The following CACNA1B variants were observed in gnomAD, a reference collection of about 807,000 sequenced individuals.
The protein encoded by CACNA1B is calcium voltage-gated channel subunit alpha1 B.
Under a neutral mutation model 247.2 loss-of-function variants are expected in CACNA1B, and 70 were observed. The ratio of observed to expected loss-of-function variants is 0.28; its 90% confidence interval spans 0.23 to 0.35. The LOEUF is 0.35. CACNA1B is among the 10% of genes least tolerant of loss of function. The pLI is 1.00. For synonymous variants in CACNA1B, 1,231 were observed against 1,294.4 expected, an observed-to-expected ratio of 0.95 and a Z score of 1.05; for missense variants, 2,367 against 3,197.4, an observed-to-expected ratio of 0.74 and a Z score of 6.26.
rs747524124 is a variant in CACNA1B, at chr9:138,025,069, G to T, written c.3183G>T (p.Gln1061His). 6.2e-7 allele frequency: 1 copy of T among 1,612,828 alleles called. No individual in the cohort carries two copies. Among genetic ancestry groups the T allele is most frequent in the Admixed American group, 1.7e-5 (1 of 59,884 alleles). ...AACAGCCAGAGGATGCAGACAATCAGCGGAACGTCACTCGCATGGGCAGTC... is the reference window on the plus strand; with the variant it reads ...AACAGCCAGAGGATGCAGACAATCATCGGAACGTCACTCGCATGGGCAGTC... The part of the protein sequence containing the change: ...VEEQPEDADN[Q>H]RNVTRMGSQP... Residue 1061 changes from glutamine (Q) to histidine (H), a missense_variant, in exon 20 of 47, where the codon CAG becomes CAT. Around this residue, in one of 12 missense-constraint regions of CACNA1B, gnomAD observed 631 missense variants for 631.1 expected, o/e 1.00. Coordinates refer to ENST00000371372, the MANE Select transcript of CACNA1B (RefSeq NM_000718.4).
At position 137,899,610 on chromosome 9, in the gene CACNA1B, G is replaced by C. The variant is rs1010040583; in HGVS notation, c.531-13570G>C. 6.6e-6 allele frequency among the ~76,000 whole-genome samples: 1 copy of C among 152,196 alleles called. No homozygotes were observed. Among genetic ancestry groups the C allele is most frequent in the African/African-American group, 2.4e-5 (1 of 41,464 alleles). ...GAGCAGGGACTGGGGTGGGGAGGCCGAGGGGATGCTGTGGCGTCTTTGGCC... is the reference window on the plus strand; with the variant it reads ...GAGCAGGGACTGGGGTGGGGAGGCCCAGGGGATGCTGTGGCGTCTTTGGCC... On this transcript the variant is annotated intron_variant, in intron 3 of 46. Transcript: ENST00000371372. This position sits in a 1 kb window ranked among gnomAD's most constrained non-coding sequence, Gnocchi z 5.0.
intron 7 of CACNA1B, among the ~76,000 whole-genome samples, chr9:137,953,593 C>T (rs1186216416): frequency 6.6e-6 from 1 of 152,178 alleles, no homozygotes; most frequent in African/African-American, 2.4e-5. Context: ...GAACTCCTAG[C>T]CTGGCGGGGT....
intron 6 of CACNA1B, among the ~76,000 whole-genome samples, chr9:137,922,096 T>A (rs34333520): frequency 1.4e-5 from 2 of 140,918 alleles, no homozygotes; most frequent in Non-Finnish European, 3.1e-5. Context: ...TCGGAGAACA[T>A]GATCAGCACC....
chr9:138,036,289 G>A (rs1049904111), intron 20 of CACNA1B, among the ~76,000 whole-genome samples: 12 of 152,082 alleles, frequency 7.9e-5, no homozygotes, highest in South Asian at 2.1e-4. Flanking sequence ...ACAGGCGCCC[G>A]CCACCACGCC....
chr9:138,000,981 C>CT lies in CACNA1B; in HGVS notation c.1975-5781dup, dbSNP rs553582184. ...CTTCATGTGTCTCCTTAAAAATATG[C>CT]TTTTTACAGTCTTGTTATTTTGGTG... is the stretch of plus-strand genomic sequence containing the variant. On this transcript the variant is annotated intron_variant, in intron 15 of 46. Transcript: ENST00000371372. 3.2e-4 allele frequency among the ~76,000 whole-genome samples: 48 copies of CT among 152,138 alleles called. No individual in the cohort carries two copies. The East Asian group carries it at 9.1e-3, about 29-fold the overall frequency.
intron 6 of CACNA1B, among the ~76,000 whole-genome samples, chr9:137,948,891 GAT>G (rs1204896865): frequency 6.8e-6 from 1 of 145,988 alleles, no homozygotes; most frequent in East Asian, 2.1e-4. Context: ...GTGTGTGTCT[GAT>G]GTGTGTGGTG....
At chr9:137,946,611 A>T (rs768449214) in intron 6 of CACNA1B, among the ~76,000 whole-genome samples, 1 of 151,966 alleles carries the variant, frequency 6.6e-6, no homozygotes, top group Non-Finnish European at 1.5e-5. Context: ...AGAAAAAAAA[A>T]AAAAGGGAAA....
chr9:138,002,849 G>A (rs1186959991), intron 15 of CACNA1B, among the ~76,000 whole-genome samples: 1 of 151,630 alleles, frequency 6.6e-6, no homozygotes. Context: ...TGCCCAGGCT[G>A]GAGTGCAGTG....
At chr9:137,904,231 G>C (rs1263158012) in intron 3 of CACNA1B, among the ~76,000 whole-genome samples, 1 of 152,056 alleles carries the variant, frequency 6.6e-6, no homozygotes, top group Non-Finnish European at 1.5e-5. Context: ...ATCCTGTAAG[G>C]CATGTAAAAC....
chr9:138,003,249 A>G (rs1958603963), intron 15 of CACNA1B, among the ~76,000 whole-genome samples: 1 of 149,890 alleles, frequency 6.7e-6, no homozygotes, highest in South Asian at 2.1e-4. Context: ...CAGTGGCATG[A>G]TCATAGCTCA....
chr9:138,118,764 C>G lies in CACNA1B; in HGVS notation c.6026C>G (p.Thr2009Ser). The G allele has an allele frequency of 6.8e-7, 1 of 1,465,742 alleles. No individual in the cohort carries two copies. Among genetic ancestry groups the G allele is most frequent in the Non-Finnish European group, 9.3e-7 (1 of 1,078,356 alleles). The allele number at this position is 1,465,742 out of a possible 1,614,324, so 90.8% of individuals were successfully genotyped here. ...AASMPRLAAE[T>S]QPVTDASPMK... ...TCCATGCCCCGCCTTGCGGCCGAGA[C>G]TCAGGTAGGTGGTCTGGGAGGGTCC... The change falls in exon 44 of 47, where the codon ACT (threonine) becomes AGT (serine). Residue 2009 changes from threonine (T) to serine (S), a missense_variant. By Grantham distance (58) the Thr-to-Ser change is moderately conservative. Transcript: ENST00000371372.
chr9:137,915,323 C>T (rs901241417), intron 5 of CACNA1B, among the ~76,000 whole-genome samples: 1 of 152,196 alleles, frequency 6.6e-6, no homozygotes, highest in African/African-American at 2.4e-5. Flanking sequence ...ATTCGGGCTG[C>T]TCCTGGGAGT....
In CACNA1B at chr9:138,073,265, A is replaced by G. The variant is rs1230211499; in HGVS notation, c.4675-223A>G. 1.3e-5 allele frequency among the ~76,000 whole-genome samples: 2 copies of G among 152,126 alleles called. No individual in the cohort carries two copies. Among genetic ancestry groups the G allele is most frequent in the Non-Finnish European group, 2.9e-5 (2 of 68,008 alleles). ...CTTAGAGCCAAGGAGGTTTTCTCTG[A>G]TTTGCTGCATGAGAAGTGATTTGCA... On this transcript the variant is annotated intron_variant, in intron 32 of 46. Transcript: ENST00000371372. This position sits in a 1 kb window ranked among gnomAD's most constrained non-coding sequence, Gnocchi z 6.4.
intron 18 of CACNA1B, among the ~76,000 whole-genome samples, chr9:138,022,798 G>A (rs1459297996): frequency 3.4e-5 from 3 of 88,088 alleles, no homozygotes; most frequent in East Asian, 4.5e-4. Flanking sequence ...GGTCCTGTGG[G>A]ACACCGTGGG....
rs1226057823 is a variant in CACNA1B, at chr9:138,028,022, C to CT, written c.3286+2850_3286+2851insT. Among the ~76,000 whole-genome samples the CT allele has an allele frequency of 6.8e-4, 96 of 141,158 alleles. 1 individual carries two copies. Among genetic ancestry groups the CT allele is most frequent in the Non-Finnish European group, 1.3e-3 (83 of 65,942 alleles). The allele number at this position is 141,158 out of a possible 152,430, so 92.6% of individuals were successfully genotyped here. A position where few individuals can be genotyped will look rare whatever the true frequency, so the allele number is the denominator to read the frequency against. On this transcript the variant is annotated intron_variant, in intron 20 of 46. Transcript: ENST00000371372. Reference sequence around the variant, plus strand: ...GGGTCTCATTTCCACTCCCCCCCAACCTTTTTTTTTTTTTTTTTTTTTTTT... The same window carrying CT: ...GGGTCTCATTTCCACTCCCCCCCAACTCTTTTTTTTTTTTTTTTTTTTTTTT...
At chr9:137,968,678 G>A (rs1409288932) in intron 10 of CACNA1B, among the ~76,000 whole-genome samples, 1 of 152,212 alleles carries the variant, frequency 6.6e-6, no homozygotes, top group Non-Finnish European at 1.5e-5. Flanking sequence ...TGTTTTCTGG[G>A]CTTTGGTCAG....
intron 18 of CACNA1B, among the ~76,000 whole-genome samples, chr9:138,016,911 C>T (rs1234725048): frequency 6.6e-6 from 1 of 152,222 alleles, no homozygotes. Context: ...ACAGGGTTTG[C>T]TGTCTCACTT....
rs1958662324 is a variant in CACNA1B at position 138,007,108 on chromosome 9, A to G, written c.2092+224A>G. 6.6e-6 allele frequency among the ~76,000 whole-genome samples: 1 copy of G among 151,146 alleles called. No individual in the cohort carries two copies. The highest frequency in any genetic ancestry group is 2.4e-5 in the African/African-American group (1 of 41,064). ...AGCATGAGCTGCTGCGTGTGGGGGT[A>G]TCCAGAGGTGGGGGTGGGTGCGGCC... On this transcript the variant is annotated intron_variant, in intron 16 of 46. Transcript: ENST00000371372. The surrounding 1 kb of genome is among the most constrained non-coding windows in gnomAD (Gnocchi z 4.1).
At position 138,012,220 on chromosome 9, in the gene CACNA1B, T is replaced by A. The variant is rs1405928329; in HGVS notation, c.2161-909T>A. Reference sequence around the variant, plus strand: ...GCTGGGGAAATGGGGACAGACATGGTCTGCTGGCTCCAGGCAGAAAAGCTC... The same window carrying A: ...GCTGGGGAAATGGGGACAGACATGGACTGCTGGCTCCAGGCAGAAAAGCTC... On this transcript the variant is annotated intron_variant, in intron 17 of 46. Transcript: ENST00000371372. The surrounding 1 kb of genome is among the most constrained non-coding windows in gnomAD (Gnocchi z 4.2). Among the ~76,000 whole-genome samples, 1 of 152,122 alleles carries A rather than the reference T, an allele frequency of 6.6e-6. No individual in the cohort carries two copies. The highest frequency in any genetic ancestry group is 2.4e-5 in the African/African-American group (1 of 41,428).
Sources: gnomAD v4.1 joint callset for allele counts (sites outside exome capture counted in the v4.1 genomes callset) on GRCh38, gnomAD v4.1.1 for gene constraint, gnomAD v4.1.1 regional missense constraint, Gnocchi (gnomAD v3.1) non-coding constraint, MANE v1.5 for transcripts, NCBI Gene and HGNC (gene_info 2026-07-23, HGNC 2026-07-21) for gene names.